ZYG11A: variants seen among roughly 807,000 people sequenced by gnomAD.
ZYG11A encodes the protein protein zyg-11 homolog A.
ZYG11A carries 62 observed loss-of-function variants against 77.2 expected under a neutral mutation model. The observed-to-expected ratio is 0.80, with a 90% CI of 0.65 to 0.99. ZYG11A has a LOEUF of 0.99. ZYG11A is among the 50% of genes least tolerant of loss of function. ZYG11A has a pLI of 0.00. For missense variants in ZYG11A, 828 were observed against 896.8 expected (o/e 0.92, Z 0.98); for synonymous variants, 315 against 324.6 (o/e 0.97, Z 0.32).
rs1472382626 is a variant in ZYG11A, at chr1:52,892,966, A to G, written c.*9A>G. The G allele has an allele frequency of 6.5e-6, 10 of 1,550,202 alleles. No homozygotes were observed. Among genetic ancestry groups the G allele is most frequent in the Non-Finnish European group, 8.7e-6 (10 of 1,146,096 alleles). ...GTCAAATGCCCTTCTGAACCTAAGG[A>G]ATTTCAGAGGTGTGTGCTCTTCCTC... On this transcript the variant is annotated 3_prime_UTR_variant, in exon 14 of 14. Coordinates refer to ENST00000371528, the MANE Select transcript of ZYG11A (RefSeq NM_001004339.3).
intron 3 of ZYG11A, 65 bp from the exon 4 acceptor site, chr1:52,860,666 G>A: frequency 6.6e-7 from 1 of 1,521,736 alleles, no homozygotes; most frequent in Non-Finnish European, 8.9e-7. Context: ...AAAACCCTGT[G>A]GTTAAAAATG....
intron 1 of ZYG11A, among the ~76,000 whole-genome samples, chr1:52,843,773 G>A (rs1379559722): frequency 6.9e-6 from 1 of 143,982 alleles, no homozygotes; most frequent in East Asian, 2.1e-4. Context: ...TGCAACCTCC[G>A]CCTCCGGGGT....
chr1:52,848,694 G>T (rs954954396), intron 1 of ZYG11A, among the ~76,000 whole-genome samples: 2 of 151,914 alleles, frequency 1.3e-5, no homozygotes, highest in African/African-American at 4.8e-5. Flanking sequence ...CCAGCCTGGA[G>T]AATCTCTACT....
chr1:52,870,855 G>C (rs915609055), intron 8 of ZYG11A, among the ~76,000 whole-genome samples: 2 of 151,744 alleles, frequency 1.3e-5, no homozygotes, highest in African/African-American at 4.8e-5. Context: ...ACAGTAGAAA[G>C]AGAGGGAGAG....
chr1:52,874,640 G>A (rs1490723852), intron 8 of ZYG11A, among the ~76,000 whole-genome samples: 1 of 151,644 alleles, frequency 6.6e-6, no homozygotes, highest in Non-Finnish European at 1.5e-5. Context: ...GCTGAGGCAG[G>A]CGGATCATGT....
chr1:52,862,660 A>T (rs528904204), intron 4 of ZYG11A, among the ~76,000 whole-genome samples: 18 of 151,974 alleles, frequency 1.2e-4, no homozygotes. Flanking sequence ...GTGCCACTAT[A>T]CTCCAGCCTG....
At chr1:52,859,102 T>G (rs930291991) in intron 3 of ZYG11A, among the ~76,000 whole-genome samples, 1 of 152,180 alleles carries the variant, frequency 6.6e-6, no homozygotes, top group Non-Finnish European at 1.5e-5. Flanking sequence ...AGAGTCACTC[T>G]GTTGTTCAGG....
intron 13 of ZYG11A, among the ~76,000 whole-genome samples, chr1:52,891,348 A>G (rs59114584): frequency 0.045 from 6,822 of 151,050 alleles, 670 homozygotes; most frequent in African/African-American, 0.16. Context: ...TGATCTTATT[A>G]TGTGTGTTAT....
intron 3 of ZYG11A, among the ~76,000 whole-genome samples, chr1:52,858,015 G>GCT (rs1305288079): frequency 2.6e-5 from 4 of 151,618 alleles, no homozygotes; most frequent in Non-Finnish European, 5.9e-5. Context: ...TCGAACGCCT[G>GCT]ACCTCAGGTG....
intron 4 of ZYG11A, 117 bp downstream of exon 4, chr1:52,860,988 C>A: frequency 9.8e-7 from 1 of 1,016,026 alleles, no homozygotes. Flanking sequence ...GAGTCAAGTG[C>A]TCTCATAGAG....
At chr1:52,875,791 A>G (rs562981944) in intron 8 of ZYG11A, among the ~76,000 whole-genome samples, 1 of 151,220 alleles carries the variant, frequency 6.6e-6, no homozygotes, top group Non-Finnish European at 1.5e-5. Context: ...AAGGCAGAGT[A>G]TGTTGATGCA....
intron 8 of ZYG11A, among the ~76,000 whole-genome samples, chr1:52,875,341 TGAG>T (rs1208681419): frequency 1.3e-5 from 2 of 152,128 alleles, no homozygotes; most frequent in African/African-American, 4.8e-5. Context: ...TATAATTTAA[TGAG>T]AAGGAAAGCA....
chr1:52,845,361 A>G (rs1645544237), intron 1 of ZYG11A, among the ~76,000 whole-genome samples: 1 of 148,518 alleles, frequency 6.7e-6, no homozygotes, highest in Non-Finnish European at 1.5e-5. Context: ...GCTGGAGTAC[A>G]GTGGTACAAT....
intron 10 of ZYG11A, among the ~76,000 whole-genome samples, chr1:52,878,869 G>A (rs1646308402): frequency 2.1e-5 from 3 of 143,876 alleles, no homozygotes; most frequent in South Asian, 4.6e-4. Context: ...AACCTGGGAG[G>A]TAGAGATTGA....
At chr1:52,843,850 C>G (rs1645507462) in intron 1 of ZYG11A, among the ~76,000 whole-genome samples, 1 of 152,018 alleles carries the variant, frequency 6.6e-6, no homozygotes, top group Non-Finnish European at 1.5e-5. Context: ...CCATGCCCGA[C>G]TCATTTTTTG....
At chr1:52,880,109 T>C (rs1277336073) in intron 10 of ZYG11A, among the ~76,000 whole-genome samples, 1 of 135,584 alleles carries the variant, frequency 7.4e-6, no homozygotes, top group Non-Finnish European at 1.6e-5. Context: ...AATGTGAGGA[T>C]TTACAAGAAA....
chr1:52,877,707 A>C lies in ZYG11A; in HGVS notation c.1568A>C (p.Lys523Thr), dbSNP rs1392457803. Residue 523 changes from lysine (K) to threonine (T), a missense_variant, in exon 9 of 14, where the codon AAG (lysine) becomes ACG (threonine). Coordinates refer to ENST00000371528, the MANE Select transcript of ZYG11A (RefSeq NM_001004339.3). Reference sequence around the variant, plus strand: ...GAACTTCTAGCAATAGTAAAACAAAAGACTACTGAGAATTTAGATGATGTC... The same window carrying C: ...GAACTTCTAGCAATAGTAAAACAAACGACTACTGAGAATTTAGATGATGTC... The part of the protein sequence containing the change: ...VKELLAIVKQ[K>T]TTENLDDVTF... The C allele has an allele frequency of 5.8e-6, 9 of 1,550,310 alleles. No homozygotes were observed. The highest frequency in any genetic ancestry group is 1.4e-5 in the African/African-American group (1 of 72,910).
At position 52,892,950 on chromosome 1, in the gene ZYG11A, C is replaced by T; in HGVS notation, c.2273C>T (p.Pro758Leu). The T allele has an allele frequency of 1.3e-6, 2 of 1,551,334 alleles. No individual in the cohort carries two copies. The highest frequency in any genetic ancestry group is 1.2e-5 in the South Asian group (1 of 84,010). ...CAGAGGCCCACTCTGTGTCAAATGC[C>T]CTTCTGAACCTAAGGAATTTCAGAG... ...NYQRPTLCQM[P>L]F Residue 758 changes from proline to leucine, a missense_variant, in exon 14 of 14, where the codon CCC becomes CTC. Coordinates refer to ENST00000371528, the MANE Select transcript of ZYG11A (RefSeq NM_001004339.3).
In ZYG11A at chr1:52,857,576, C is replaced by T. The variant is rs1210495183; in HGVS notation, c.835C>T (p.Gln279Ter). 2.6e-6 allele frequency: 4 copies of T among 1,552,030 alleles called. No individual in the cohort carries two copies. Among genetic ancestry groups the T allele is most frequent in the Non-Finnish European group, 3.5e-6 (4 of 1,147,066 alleles). ...LKSDLAFHLL[Q>*]QKDILPNVVS... ...ATCAGACCTAGCTTTTCATTTGCTA[C>T]AGCAGAAGGATATCCTGCCCAATGT... The change falls in exon 3 of 14, where the codon CAG becomes TAG. Residue 279 changes from glutamine to a stop codon, truncating the protein, a stop_gained. Coordinates refer to ENST00000371528, the MANE Select transcript of ZYG11A (RefSeq NM_001004339.3). LOFTEE classifies it high-confidence loss of function.
Sources: gnomAD v4.1 joint callset for allele counts (sites outside exome capture counted in the v4.1 genomes callset) on GRCh38, gnomAD v4.1.1 for gene constraint, MANE v1.5 for transcripts, NCBI Gene and HGNC (gene_info 2026-07-23, HGNC 2026-07-21) for gene names.